Variants in HDAC1 observed in about 807,000 individuals in gnomAD.
HDAC1 encodes the protein histone deacetylase 1.
Under a neutral mutation model 65.5 loss-of-function variants are expected in HDAC1, and 18 were observed. The observed-to-expected ratio is 0.27, with a 90% confidence interval of 0.19 to 0.41. HDAC1 has a LOEUF of 0.41. Ranked by LOEUF, HDAC1 falls within the 10% of genes least tolerant of loss-of-function variation. The pLI, the probability that HDAC1 is intolerant of heterozygous loss-of-function variation, is 1.00. For synonymous variants in HDAC1, 211 were observed against 227.9 expected (o/e 0.93, Z 0.67); for missense variants, 373 against 625.2 (o/e 0.60, Z 4.30).
At chr1:32,332,785 A>AT (rs1308968300) in intron 13 of HDAC1, 36 bp downstream of exon 13, 5 of 1,524,050 alleles carry the variant, frequency 3.3e-6, no homozygotes, top group Non-Finnish European at 4.5e-6. Context: ...TCTCCCTGGC[A>AT]TTGGAGCACC....
At chr1:32,297,110 G>T (rs1640777401) in intron 1 of HDAC1, among the ~76,000 whole-genome samples, 2 of 152,148 alleles carry the variant, frequency 1.3e-5, no homozygotes, top group Non-Finnish European at 2.9e-5. Context: ...GCAAAAGTGG[G>T]GGGCTAGGGA....
chr1:32,313,073 C>CTTATT (rs571270334), intron 2 of HDAC1, among the ~76,000 whole-genome samples: 1 of 150,004 alleles, frequency 6.7e-6, no homozygotes, highest in African/African-American at 2.4e-5. Context: ...TGCCCAATAA[C>CTTATT]TTATTTTATT....
At chr1:32,305,771 C>T (rs116165083) in intron 2 of HDAC1, among the ~76,000 whole-genome samples, 2,743 of 152,062 alleles carry the variant, frequency 0.018, 42 homozygotes, top group Middle Eastern at 0.044. Flanking sequence ...TCACCACACT[C>T]GGCTAATTTT....
Position 32,329,372 on chromosome 1 carries a change from T to A in HDAC1, c.729+212T>A. On this transcript the variant is annotated intron_variant, in intron 7 of 13. Coordinates refer to ENST00000373548, the MANE Select transcript of HDAC1 (RefSeq NM_004964.3). The surrounding 1 kb of genome is among the most constrained non-coding windows in gnomAD (Gnocchi z 4.1). ...TCTATGGGTCAGGTCTTCTGCTGGA[T>A]ACAAAAATATCTAAGACATGATCTT... 1.7e-6 allele frequency: 1 copy of A among 599,920 alleles called. No individual in the cohort carries two copies. Among genetic ancestry groups the A allele is most frequent in the Non-Finnish European group, 3.0e-6 (1 of 336,482 alleles). The allele number at this position is 599,920 out of a possible 1,614,324, so 37.2% of individuals were successfully genotyped here.
At chr1:32,304,948 G>T (rs752558547) in intron 2 of HDAC1, among the ~76,000 whole-genome samples, 1 of 152,078 alleles carries the variant, frequency 6.6e-6, no homozygotes, top group Non-Finnish European at 1.5e-5. Context: ...CTGGCCTCAA[G>T]AGATCTTCTT....
At chr1:32,310,110 G>A (rs1640970776) in intron 2 of HDAC1, among the ~76,000 whole-genome samples, 1 of 152,324 alleles carries the variant, frequency 6.6e-6, no homozygotes, top group East Asian at 1.9e-4. Flanking sequence ...GGATCTGGCA[G>A]TTGGGCCCAA....
Position 32,292,114 on chromosome 1 carries a change from G to T in HDAC1, c.-56G>T. On this transcript the variant is annotated 5_prime_UTR_variant, in exon 1 of 14. Coordinates refer to ENST00000373548, the MANE Select transcript of HDAC1 (RefSeq NM_004964.3). ...CCCCCTGGGTCGGACGCTGAGCGGA[G>T]CCGCGGGCGGGAGGGCGGACGGACC... 6.5e-7 allele frequency: 1 copy of T among 1,530,298 alleles called. No individual in the cohort carries two copies. The highest frequency in any genetic ancestry group is 8.8e-7 in the Non-Finnish European group (1 of 1,131,586). 94.8% of individuals were successfully genotyped at this position (1,530,298 alleles called of 1,614,324 possible).
intron 1 of HDAC1, 141 bp from the exon 2 acceptor site, chr1:32,302,480 C>G (rs1640861728): frequency 1.8e-6 from 1 of 548,928 alleles, no homozygotes; most frequent in Admixed American, 3.0e-5. Context: ...TGGAGTTACC[C>G]TTCAAAAGGT....
At chr1:32,314,825 CAAAAAAAA>C (rs34315355) in intron 2 of HDAC1, among the ~76,000 whole-genome samples, 1 of 64,184 alleles carries the variant, frequency 1.6e-5, no homozygotes, top group South Asian at 5.7e-4. Context: ...GACTCCGTCT[CAAAAAAAA>C]AAAAAAAAAA....
rs759389151 is a variant in HDAC1 at position 32,330,793 on chromosome 1, C to G, written c.864C>G (p.Val288=). ...IKGHAKCVEF[V]KSFNLPMLML... ...GACACGCCAAGTGTGTGGAATTTGT[C>G]AAGAGCTTTAACCTGCCTATGCTGA... The change falls in exon 9 of 14, where the codon GTC becomes GTG. Residue 288 remains valine (V), a synonymous_variant. Coordinates refer to ENST00000373548, the MANE Select transcript of HDAC1 (RefSeq NM_004964.3). The surrounding 1 kb of genome is among the most constrained non-coding windows in gnomAD (Gnocchi z 4.2). The G allele has an allele frequency of 6.2e-7, 1 of 1,614,004 alleles. No individual in the cohort carries two copies. The highest frequency in any genetic ancestry group is 1.3e-5 in the African/African-American group (1 of 74,880).
At chr1:32,313,082 T>TTTTA (rs35808493) in intron 2 of HDAC1, among the ~76,000 whole-genome samples, 22,443 of 148,446 alleles carry the variant, frequency 0.15, 2,078 homozygotes, top group Non-Finnish European at 0.21. Context: ...ACTTATTTTA[T>TTTTA]TTTATTTATT....
chr1:32,318,268 G>A (rs1432958944), intron 3 of HDAC1, among the ~76,000 whole-genome samples: 2 of 152,218 alleles, frequency 1.3e-5, no homozygotes, highest in African/African-American at 4.8e-5. Context: ...TCTTTAAGAG[G>A]AAGACAGGAC....
chr1:32,312,743 T>G (rs997546441), intron 2 of HDAC1, among the ~76,000 whole-genome samples: 3 of 152,138 alleles, frequency 2.0e-5, no homozygotes, highest in Non-Finnish European at 2.9e-5. Context: ...TGGCACAATC[T>G]GGGCTCACTG....
At position 32,333,030 on chromosome 1, in the gene HDAC1, G is replaced by A; in HGVS notation, c.1435G>A (p.Val479Ile). The change falls in exon 14 of 14, where the codon GTC (valine) becomes ATC (isoleucine). Residue 479 changes from valine to isoleucine, a missense_variant. This residue lies in a region of HDAC1 where 126 missense variants were observed against 126.2 expected (regional missense o/e 1.00). Transcript: ENST00000373548. ...CTCTCTCCACAGGGTCAAGGAGGAGGTCAAGTTGGCCTGAATGGACCTCTC... is the reference window on the plus strand; with the variant it reads ...CTCTCTCCACAGGGTCAAGGAGGAGATCAAGTTGGCCTGAATGGACCTCTC... ...KPEAKGVKEE[V>I]KLA 2 of 1,613,862 alleles carry A rather than the reference G, an allele frequency of 1.2e-6. No individual in the cohort carries two copies. The highest frequency in any genetic ancestry group is 1.7e-6 in the Non-Finnish European group (2 of 1,179,898).
chr1:32,331,847 G>A lies in HDAC1; in HGVS notation c.1219+41G>A. The A allele has an allele frequency of 6.4e-7, 1 of 1,563,430 alleles. No individual in the cohort carries two copies. Among genetic ancestry groups the A allele is most frequent in the Non-Finnish European group, 8.7e-7 (1 of 1,153,260 alleles). On this transcript the variant is annotated intron_variant, in intron 11 of 13. Transcript: ENST00000373548. The surrounding 1 kb of genome is among the most constrained non-coding windows in gnomAD (Gnocchi z 4.2). ...AGAGCCCTATGCCTTCCATTCAATA[G>A]GCAGCTCACACTTCCACCACCATTC...
At chr1:32,332,303 C>A in intron 12 of HDAC1, 61 bp downstream of exon 12, 1 of 1,497,380 alleles carries the variant, frequency 6.7e-7, no homozygotes. Flanking sequence ...CTATGTAGGG[C>A]AGTGGGAGGA....
At chr1:32,316,377 A>G (rs1014573888) in intron 2 of HDAC1, among the ~76,000 whole-genome samples, 2 of 152,202 alleles carry the variant, frequency 1.3e-5, no homozygotes, top group Non-Finnish European at 2.9e-5. Context: ...TGTGTGGTCT[A>G]TGTTGTCCCT....
At chr1:32,322,457 C>T (rs191733166) in intron 3 of HDAC1, among the ~76,000 whole-genome samples, 11 of 152,110 alleles carry the variant, frequency 7.2e-5, no homozygotes, top group African/African-American at 2.2e-4. Context: ...TTAGTAGAGA[C>T]GGGGTTTCTC....
chr1:32,292,948 CAGG>C (rs1412360659), intron 1 of HDAC1, among the ~76,000 whole-genome samples: 3 of 152,162 alleles, frequency 2.0e-5, no homozygotes, highest in Non-Finnish European at 4.4e-5. Flanking sequence ...ACCTGAAGAA[CAGG>C]AGTTCTTAGC....
Sources: gnomAD v4.1 joint callset for allele counts (sites outside exome capture counted in the v4.1 genomes callset) on GRCh38, gnomAD v4.1.1 for gene constraint, gnomAD v4.1.1 regional missense constraint, Gnocchi (gnomAD v3.1) non-coding constraint, MANE v1.5 for transcripts, NCBI Gene and HGNC (gene_info 2026-07-23, HGNC 2026-07-21) for gene names.